The following LYST variants were observed in gnomAD, a reference collection of about 807,000 sequenced individuals.
LYST encodes lysosomal trafficking regulator, also known as lysosomal-trafficking regulator.
A neutral mutation model predicts 413.6 loss-of-function variants in LYST; 192 were observed. The ratio of observed to expected loss-of-function variants is 0.46; its 90% CI spans 0.41 to 0.52. LYST has a LOEUF of 0.52. Among genes scored for constraint, LYST ranks in the 20% least tolerant of loss-of-function variants. The pLI is 0.00. For synonymous variants in LYST, 1,525 were observed against 1,567.3 expected (o/e 0.97, Z 0.64); for missense variants, 3,815 against 4,499.9 (o/e 0.85, Z 4.35).
At chr1:235,790,742 T>C (rs527341210) in intron 12 of LYST, among the ~76,000 whole-genome samples, 1 of 152,142 alleles carries the variant, frequency 6.6e-6, no homozygotes, top group African/African-American at 2.4e-5. Context: ...CAATGAACAG[T>C]TTTTTTTCTG....
chr1:235,847,141 C>A (rs1335631771), intron 1 of LYST, among the ~76,000 whole-genome samples: 1 of 152,088 alleles, frequency 6.6e-6, no homozygotes, highest in Non-Finnish European at 1.5e-5. Context: ...TACCAGGTAG[C>A]CTATAAAAGA....
chr1:235,881,324 T>C (rs1463927919), intron 1 of LYST, among the ~76,000 whole-genome samples: 1 of 152,236 alleles, frequency 6.6e-6, no homozygotes, highest in Non-Finnish European at 1.5e-5. Context: ...GCAGAGTCTT[T>C]GCTGTGCTTT....
chr1:235,808,832 T>C lies in LYST; in HGVS notation c.1986A>G (p.Glu662=), dbSNP rs753922068. ...ETLQGNLCDA[E]LSSSLSSPSY... ...AAGGACTGGATAAACTTGAGGAGAGTTCAGCATCACATAAGTTTCCCTGCA... is the reference window on the plus strand; with the variant it reads ...AAGGACTGGATAAACTTGAGGAGAGCTCAGCATCACATAAGTTTCCCTGCA... Residue 662 remains glutamate, a synonymous_variant, in exon 5 of 53, where the codon GAA becomes GAG. Coordinates refer to ENST00000389793, the MANE Select transcript of LYST (RefSeq NM_000081.4). 2.3e-5 allele frequency: 37 copies of C among 1,613,752 alleles called. No individual in the cohort carries two copies. Among genetic ancestry groups the C allele is most frequent in the Non-Finnish European group, 3.1e-5 (37 of 1,179,992 alleles).
At chr1:235,831,612 G>C (rs1558313883) in intron 2 of LYST, among the ~76,000 whole-genome samples, 1 of 151,932 alleles carries the variant, frequency 6.6e-6, no homozygotes, top group Non-Finnish European at 1.5e-5. Flanking sequence ...GTTCATCCTG[G>C]GACCTCACAG....
intron 1 of LYST, among the ~76,000 whole-genome samples, chr1:235,851,517 T>C (rs183442894): frequency 1.5e-4 from 23 of 152,186 alleles, no homozygotes; most frequent in Non-Finnish European, 1.0e-4. Context: ...CTTATTCATG[T>C]AACCAAATAC....
intron 1 of LYST, among the ~76,000 whole-genome samples, chr1:235,864,275 A>G (rs2103190544): frequency 6.6e-6 from 1 of 152,274 alleles, no homozygotes; most frequent in Middle Eastern, 3.4e-3. Context: ...TTAAACAAGT[A>G]TCATTGAATA....
chr1:235,844,022 G>A, intron 1 of LYST, among the ~76,000 whole-genome samples: 1 of 152,088 alleles, frequency 6.6e-6, no homozygotes, highest in Non-Finnish European at 1.5e-5. Flanking sequence ...GATAAATCAG[G>A]GTTATTTTAA....
At chr1:235,867,542 C>A (rs934934464), upstream of LYST, among the ~76,000 whole-genome samples, 1 of 152,074 alleles carries the variant, frequency 6.6e-6, no homozygotes, top group African/African-American at 2.4e-5. Context: ...ATTTTCCAAC[C>A]GACTCCTGTT....
intron 28 of LYST, among the ~76,000 whole-genome samples, chr1:235,749,516 T>C (rs2799441): frequency 0.3 from 46,067 of 151,840 alleles, 9,103 homozygotes; most frequent in East Asian, 0.78. Flanking sequence ...GGGGTGAGTA[T>C]AGGGGTGCAT....
intron 22 of LYST, among the ~76,000 whole-genome samples, 166 bp downstream of exon 22, chr1:235,762,554 G>C (rs1667697286): frequency 6.6e-6 from 1 of 152,220 alleles, no homozygotes; most frequent in Non-Finnish European, 1.5e-5. Flanking sequence ...AAGATAGCAT[G>C]AGCCTCATCC....
chr1:235,722,598 G>C (rs1247622753), intron 39 of LYST, among the ~76,000 whole-genome samples: 1 of 152,146 alleles, frequency 6.6e-6, no homozygotes, highest in Non-Finnish European at 1.5e-5. Flanking sequence ...TGATTCTCCT[G>C]CCTCAGCCTC....
chr1:235,761,607 C>A (rs537622904), intron 22 of LYST, among the ~76,000 whole-genome samples: 1 of 152,066 alleles, frequency 6.6e-6, no homozygotes, highest in South Asian at 2.1e-4. Context: ...AATGGTTAGA[C>A]TGAGGCGAGG....
intron 31 of LYST, among the ~76,000 whole-genome samples, chr1:235,740,498 A>G (rs1572115954): frequency 6.6e-6 from 1 of 151,892 alleles, no homozygotes; most frequent in Non-Finnish European, 1.5e-5. Context: ...GTTCCTTCAG[A>G]TGAATAGAAT....
chr1:235,855,574 C>T (rs745656626), intron 1 of LYST, among the ~76,000 whole-genome samples: 5 of 152,240 alleles, frequency 3.3e-5, no homozygotes, highest in Non-Finnish European at 5.9e-5. Flanking sequence ...TGATAGTTTT[C>T]CATACCTCCT....
chr1:235,693,988 G>A (rs1336040838), intron 46 of LYST, among the ~76,000 whole-genome samples: 1 of 150,588 alleles, frequency 6.6e-6, no homozygotes, highest in Admixed American at 6.7e-5. Flanking sequence ...AATTCAAGGA[G>A]GCTCTGTTCT....
At chr1:235,684,856 T>G (rs1660087203) in intron 48 of LYST, among the ~76,000 whole-genome samples, 1 of 152,128 alleles carries the variant, frequency 6.6e-6, no homozygotes, top group East Asian at 1.9e-4. Context: ...CTCAAATTTC[T>G]GGGCTCAAGC....
At position 235,847,632 on chromosome 1, in the gene LYST, CAACT is replaced by C. The variant is rs147624736; in HGVS notation, c.-97-13969_-97-13966del. Among the ~76,000 whole-genome samples, 1,371 of 152,278 alleles carry C rather than the reference CAACT, an allele frequency of 9.0e-3. 23 individuals are homozygous for C. The highest frequency in any genetic ancestry group is 0.046 in the South Asian group (220 of 4,820). ...ACAGAATGGATAAGAATTCACCAAT[CAACT>C]ATCTATTGCCTTCAGGATACTCACC... On this transcript the variant is annotated intron_variant, in intron 1 of 52. Coordinates refer to ENST00000389793, the MANE Select transcript of LYST (RefSeq NM_000081.4).
chr1:235,779,114 G>A (rs1370722282), intron 16 of LYST, among the ~76,000 whole-genome samples: 1 of 151,870 alleles, frequency 6.6e-6, no homozygotes, highest in Non-Finnish European at 1.5e-5. Context: ...TGATCCACCC[G>A]CCTCGGCCTC....
chr1:235,757,580 G>A, intron 23 of LYST, 122 bp from the exon 24 acceptor site: 1 of 747,856 alleles, frequency 1.3e-6, no homozygotes. Context: ...TAATGCTTAA[G>A]AAATGTTTCC....
Sources: gnomAD v4.1 joint callset for allele counts (sites outside exome capture counted in the v4.1 genomes callset) on GRCh38, gnomAD v4.1.1 for gene constraint, MANE v1.5 for transcripts, NCBI Gene and HGNC (gene_info 2026-07-23, HGNC 2026-07-21) for gene names.